Variants in URB1 observed in about 807,000 individuals in gnomAD.
URB1 encodes the protein URB1 ribosome biogenesis factor, also known as nucleolar pre-ribosomal-associated protein 1.
Under a neutral mutation model 242.3 loss-of-function variants are expected in URB1, and 197 were observed. The observed-to-expected ratio is 0.81, with a 90% confidence interval of 0.72 to 0.91. URB1 has a LOEUF of 0.91. Among genes scored for constraint, URB1 ranks in the 40% least tolerant of loss-of-function variants. URB1 has a pLI of 0.00. For synonymous variants in URB1, 1,153 were observed against 1,201.8 expected, an observed-to-expected ratio of 0.96 and a Z score of 0.84; for missense variants, 2,721 against 2,860.5, an observed-to-expected ratio of 0.95 and a Z score of 1.11.
In URB1 at chr21:32,311,748, C is replaced by A. The variant is rs376465589; in HGVS notation, c.*3170G>T. On this transcript the variant is annotated 3_prime_UTR_variant, in exon 39 of 39. Transcript: ENST00000382751. ...CGGCCTCAACCTCCACCTCTGCATC[C>A]AGAAGTGCCTGCCGTGCCACAGGGA... 1.6e-4 allele frequency: 252 copies of A among 1,614,004 alleles called. No homozygotes were observed. Among genetic ancestry groups the A allele is most frequent in the Non-Finnish European group, 2.0e-4 (239 of 1,180,012 alleles).
At chr21:32,382,401 T>G (rs1298297347) in intron 4 of URB1, among the ~76,000 whole-genome samples, 1 of 152,192 alleles carries the variant, frequency 6.6e-6, no homozygotes, top group Non-Finnish European at 1.5e-5. Context: ...GGAATTTTTT[T>G]CCTTAGAGAA....
Position 32,350,900 on chromosome 21 carries a change from G to A in URB1, c.2636C>T (p.Pro879Leu), listed in dbSNP as rs1186174926. 1 of 1,547,932 alleles carries A rather than the reference G, an allele frequency of 6.5e-7. No individual in the cohort carries two copies. The highest frequency in any genetic ancestry group is 2.4e-5 in the East Asian group (1 of 40,904). ...GGCCAAGGGAAGGGCAGGGGGCGAG[G>A]GGCTGCCCTGTGCCTGCAGCAGCTG... is the stretch of plus-strand genomic sequence containing the variant. ...EAWLLQAQGS[P>L]SPPALPLASS... is the part of the protein sequence containing the mutation. Residue 879 changes from proline to leucine, a missense_variant, in exon 20 of 39, where the codon CCC (proline) becomes CTC (leucine). By Grantham distance (98) the Pro-to-Leu change is moderately conservative. Transcript: ENST00000382751.
chr21:32,329,422 G>A (rs1407146294), intron 30 of URB1, among the ~76,000 whole-genome samples: 1 of 152,116 alleles, frequency 6.6e-6, no homozygotes, highest in Non-Finnish European at 1.5e-5. Context: ...AGAGGAGCCT[G>A]CGTGCTCTGG....
intron 22 of URB1, 84 bp downstream of exon 22, chr21:32,346,872 A>G: frequency 7.0e-7 from 1 of 1,433,352 alleles, no homozygotes; most frequent in Middle Eastern, 2.5e-4. Flanking sequence ...CTGAATTTCT[A>G]GGGTTTAAAA....
At chr21:32,371,966 A>T (rs546888552) in intron 8 of URB1, among the ~76,000 whole-genome samples, 1 of 152,210 alleles carries the variant, frequency 6.6e-6, no homozygotes. Context: ...AAAATGTTAA[A>T]AAAAAAAACA....
At position 32,316,906 on chromosome 21, in the gene URB1, T is replaced by C. The variant is rs2032697304; in HGVS notation, c.6194A>G (p.Tyr2065Cys). ...CKGLLRSILT[Y>C]WRPVIPGPDP... ...AGGACCAGGGATCACTGGTCTCCAGTAAGTCAAGATGGACCTCAGGAGGCC... is the reference window on the plus strand; with the variant it reads ...AGGACCAGGGATCACTGGTCTCCAGCAAGTCAAGATGGACCTCAGGAGGCC... Residue 2065 changes from tyrosine (Y) to cysteine (C), a missense_variant, in exon 38 of 39, where the codon TAC (tyrosine) becomes TGC (cysteine). Transcript: ENST00000382751. 6.4e-7 allele frequency: 1 copy of C among 1,551,522 alleles called. No individual in the cohort carries two copies. The highest frequency in any genetic ancestry group is 2.0e-5 in the Admixed American group (1 of 50,982).
rs1340057887 is a variant in URB1 at position 32,319,208 on chromosome 21, A to G, written c.5792+9T>C. The G allele has an allele frequency of 1.3e-6, 2 of 1,545,210 alleles. No homozygotes were observed. On this transcript the variant is annotated intron_variant, in intron 36 of 38. Coordinates refer to ENST00000382751, the MANE Select transcript of URB1 (RefSeq NM_014825.3). ...CCAGAAGGGCCCCCCTGGCGGGGGCAGGACTCACCTCAGGTGCTTCATGAG... is the reference window on the plus strand; with the variant it reads ...CCAGAAGGGCCCCCCTGGCGGGGGCGGGACTCACCTCAGGTGCTTCATGAG...
At chr21:32,354,332 G>C (rs1173390840) in intron 17 of URB1, among the ~76,000 whole-genome samples, 1 of 152,194 alleles carries the variant, frequency 6.6e-6, no homozygotes. Context: ...GTGGTAATAG[G>C]TTGAAGTTTC....
chr21:32,312,337 T>C lies in URB1; in HGVS notation c.*2581A>G. 3.3e-6 allele frequency: 4 copies of C among 1,230,266 alleles called. No individual in the cohort carries two copies. The highest frequency in any genetic ancestry group is 4.1e-6 in the Non-Finnish European group (4 of 970,406). 76.2% of individuals were successfully genotyped at this position (1,230,266 alleles called of 1,614,324 possible). A position where few individuals can be genotyped will look rare whatever the true frequency, so the allele number is the denominator to read the frequency against. ...ACTATGCCACTTTACCATTACTGTG[T>C]AATGCGTTATCAGCCCTGAGTTCAC... On this transcript the variant is annotated 3_prime_UTR_variant, in exon 39 of 39. Transcript: ENST00000382751.
Position 32,359,912 on chromosome 21 carries a change from T to C in URB1, c.1757-4A>G. The C allele has an allele frequency of 1.3e-6, 2 of 1,548,062 alleles. No homozygotes were observed. Among genetic ancestry groups the C allele is most frequent in the Non-Finnish European group, 1.7e-6 (2 of 1,145,630 alleles). ...AGGCCCTGCTCAGAGATGACACCTATGGGTGAAAAAGAGGCAGGCTGAAAA... is the reference window on the plus strand; with the variant it reads ...AGGCCCTGCTCAGAGATGACACCTACGGGTGAAAAAGAGGCAGGCTGAAAA... On this transcript the variant is annotated splice_region_variant and splice_polypyrimidine_tract_variant and intron_variant, in intron 13 of 38. Coordinates refer to ENST00000382751, the MANE Select transcript of URB1 (RefSeq NM_014825.3).
chr21:32,386,043 T>C (rs1254061883), intron 1 of URB1, among the ~76,000 whole-genome samples: 1 of 151,598 alleles, frequency 6.6e-6, no homozygotes, highest in Non-Finnish European at 1.5e-5. Flanking sequence ...TCCCAGCTAC[T>C]TGGGAGGCTG....
chr21:32,316,627 CCA>C lies in URB1; in HGVS notation c.6471_6472del (p.Cys2157TrpfsTer3). On this transcript the variant is annotated frameshift_variant, in exon 38 of 39. Coordinates refer to ENST00000382751, the MANE Select transcript of URB1 (RefSeq NM_014825.3). LOFTEE classifies it high-confidence loss of function. ...CACAGGCCCTGCCAGCCCCTCAGCCCCACAGAGCCGGCTATACAGCCTGAATA... is the reference window on the plus strand; with the variant it reads ...CACAGGCCCTGCCAGCCCCTCAGCCCCAGAGCCGGCTATACAGCCTGAATA... 6.4e-7 allele frequency: 1 copy of C among 1,551,604 alleles called. No individual in the cohort carries two copies. The highest frequency in any genetic ancestry group is 8.7e-7 in the Non-Finnish European group (1 of 1,146,992).
chr21:32,341,406 G>A, intron 25 of URB1, 60 bp downstream of exon 25: 2 of 1,491,318 alleles, frequency 1.3e-6, no homozygotes, highest in Non-Finnish European at 1.8e-6. Context: ...AAGAGGCTTT[G>A]CATGCTGAAC....
intron 32 of URB1, among the ~76,000 whole-genome samples, chr21:32,323,232 C>A (rs1356432936): frequency 1.3e-5 from 2 of 152,270 alleles, no homozygotes; most frequent in African/African-American, 2.4e-5. Context: ...GCAAGTAAAT[C>A]CATGGAATAA....
At position 32,390,473 on chromosome 21, in the gene URB1, T is replaced by G. The variant is rs867308161; in HGVS notation, c.142+2296A>C. ...CTTTGCCCACTTTTTGATGGGGTTT[T>G]TTTTTTTCTTGTAAATTTGTTTGAG... On this transcript the variant is annotated intron_variant, in intron 1 of 38. Coordinates refer to ENST00000382751, the MANE Select transcript of URB1 (RefSeq NM_014825.3). 6.8e-3 allele frequency among the ~76,000 whole-genome samples: 1,032 copies of G among 152,182 alleles called. 19 individuals are homozygous for G. Among genetic ancestry groups the G allele is most frequent in the African/African-American group, 0.024 (999 of 41,484 alleles).
At chr21:32,323,411 T>C (rs1601121520) in intron 32 of URB1, among the ~76,000 whole-genome samples, 1 of 152,210 alleles carries the variant, frequency 6.6e-6, no homozygotes, top group African/African-American at 2.4e-5. Flanking sequence ...CAACTTTCTA[T>C]GATTTTTCTC....
At chr21:32,361,203 G>GAAAGAAAGAA in intron 12 of URB1, 80 bp from the exon 13 acceptor site, 2 of 936,396 alleles carry the variant, frequency 2.1e-6, no homozygotes, top group Non-Finnish European at 3.1e-6. Context: ...AAGAAAGAAA[G>GAAAGAAAGAA]AAAATAGCTT....
chr21:32,359,581 A>G (rs2033261431), intron 14 of URB1, among the ~76,000 whole-genome samples: 1 of 152,258 alleles, frequency 6.6e-6, no homozygotes, highest in Non-Finnish European at 1.5e-5. Flanking sequence ...CAGCAAGGAC[A>G]TGTTAAGCAC....
intron 1 of URB1, among the ~76,000 whole-genome samples, chr21:32,389,088 T>C (rs919686713): frequency 6.6e-6 from 1 of 152,252 alleles, no homozygotes; most frequent in Non-Finnish European, 1.5e-5. Flanking sequence ...TAATGAGGAC[T>C]GTACCTAGGG....
Sources: gnomAD v4.1 joint callset for allele counts (sites outside exome capture counted in the v4.1 genomes callset) on GRCh38, gnomAD v4.1.1 for gene constraint, MANE v1.5 for transcripts, NCBI Gene and HGNC (gene_info 2026-07-23, HGNC 2026-07-21) for gene names.